The following RALYL variants were observed in gnomAD, a reference collection of about 807,000 sequenced individuals.
RALYL encodes the protein RNA-binding Raly-like protein.
RALYL carries 29 observed loss-of-function variants against 35.1 expected under a neutral mutation model. That is an observed-to-expected ratio of 0.83 (90% CI 0.61 to 1.13). The LOEUF (loss-of-function observed/expected upper bound fraction) is 1.13, where lower values mean the gene tolerates loss of function less well. Ranked by LOEUF, RALYL falls within the 50% of genes most tolerant of loss-of-function variation. The pLI is 0.00. For synonymous variants in RALYL, 120 were observed against 127.6 expected (o/e 0.94, Z 0.40); for missense variants, 359 against 360.4 (o/e 1.00, Z 0.03).
chr8:84,519,750 G>C (rs564687197), intron 1 of RALYL, among the ~76,000 whole-genome samples: 1 of 152,312 alleles, frequency 6.6e-6, no homozygotes, highest in East Asian at 1.9e-4. Flanking sequence ...ACTAAAACAA[G>C]GGGATGATAT....
intron 5 of RALYL, among the ~76,000 whole-genome samples, chr8:84,853,097 A>G (rs980316938): frequency 2.0e-5 from 3 of 152,212 alleles, no homozygotes; most frequent in Non-Finnish European, 2.9e-5. Flanking sequence ...AGTAAACATT[A>G]TTAATCTGTT....
At chr8:84,308,084 T>C (rs1842152496) in intron 1 of RALYL, among the ~76,000 whole-genome samples, 1 of 142,484 alleles carries the variant, frequency 7.0e-6, no homozygotes, top group Admixed American at 6.9e-5. Flanking sequence ...AAAAGCCACA[T>C]ATAAATAGAT....
chr8:84,416,834 T>C (rs1279363364), intron 1 of RALYL, among the ~76,000 whole-genome samples: 1 of 152,210 alleles, frequency 6.6e-6, no homozygotes, highest in African/African-American at 2.4e-5. Flanking sequence ...GAATATACTT[T>C]ACCCAATTCT....
At chr8:84,393,383 C>T (rs1861126443) in intron 1 of RALYL, among the ~76,000 whole-genome samples, 1 of 152,006 alleles carries the variant, frequency 6.6e-6, no homozygotes, top group Admixed American at 6.6e-5. Flanking sequence ...CCATGTGACT[C>T]CTTCATCAAA....
intron 1 of RALYL, among the ~76,000 whole-genome samples, chr8:84,224,955 A>C (rs1053715073): frequency 9.2e-5 from 14 of 152,204 alleles, no homozygotes; most frequent in African/African-American, 3.4e-4. Flanking sequence ...GCACCCGGCC[A>C]CTTCATTAAT....
At chr8:84,264,691 T>C (rs1053515053) in intron 1 of RALYL, among the ~76,000 whole-genome samples, 2 of 152,296 alleles carry the variant, frequency 1.3e-5, no homozygotes, top group South Asian at 2.1e-4. Context: ...ACCAAAGGTA[T>C]GATTCTCTCT....
At chr8:84,283,368 C>A (rs1268447203) in intron 1 of RALYL, among the ~76,000 whole-genome samples, 2 of 152,086 alleles carry the variant, frequency 1.3e-5, no homozygotes, top group African/African-American at 4.8e-5. Context: ...AGCATCACTA[C>A]CTAGAAAGAG....
intron 1 of RALYL, among the ~76,000 whole-genome samples, chr8:84,213,228 T>C (rs900251307): frequency 2.0e-5 from 3 of 151,868 alleles, no homozygotes; most frequent in African/African-American, 7.3e-5. Context: ...CCATCTGTAC[T>C]AAAAGTACAA....
chr8:84,667,606 T>G (rs945842772), intron 2 of RALYL, among the ~76,000 whole-genome samples: 2 of 152,124 alleles, frequency 1.3e-5, no homozygotes, highest in African/African-American at 4.8e-5. Flanking sequence ...CATTATGAAC[T>G]AATGTTTTTA....
chr8:84,189,606 T>C (rs1403994363), intron 1 of RALYL, among the ~76,000 whole-genome samples: 5 of 152,086 alleles, frequency 3.3e-5, no homozygotes, highest in African/African-American at 4.8e-5. Context: ...AACTGAGACT[T>C]GGAGCTCAGA....
intron 1 of RALYL, among the ~76,000 whole-genome samples, chr8:84,317,437 A>C (rs1843963113): frequency 6.6e-6 from 1 of 152,184 alleles, no homozygotes; most frequent in Admixed American, 6.5e-5. Flanking sequence ...AGCTGCCTCA[A>C]TTCTAATGTC....
intron 1 of RALYL, among the ~76,000 whole-genome samples, chr8:84,435,514 T>C (rs977998249): frequency 3.3e-5 from 5 of 152,184 alleles, no homozygotes; most frequent in Admixed American, 6.6e-5. Flanking sequence ...GACTTTTTAA[T>C]GAACTCTAGA....
intron 8 of RALYL, among the ~76,000 whole-genome samples, chr8:84,892,594 A>G (rs1458413011): frequency 6.6e-6 from 1 of 150,810 alleles, no homozygotes; most frequent in Non-Finnish European, 1.5e-5. Flanking sequence ...TGGGCAACAG[A>G]GCAAAAACTC....
chr8:84,193,749 C>A (rs1306699221), intron 1 of RALYL, among the ~76,000 whole-genome samples: 2 of 152,138 alleles, frequency 1.3e-5, no homozygotes, highest in Non-Finnish European at 2.9e-5. Flanking sequence ...TCACTTTAGT[C>A]AACACAGTTA....
intron 4 of RALYL, among the ~76,000 whole-genome samples, chr8:84,842,130 A>T (rs1489006067): frequency 6.6e-6 from 1 of 152,218 alleles, no homozygotes; most frequent in Admixed American, 6.5e-5. Flanking sequence ...AGCAGAACTG[A>T]AGGAAATAGA....
intron 2 of RALYL, among the ~76,000 whole-genome samples, chr8:84,568,833 G>T (rs1184684475): frequency 2.0e-5 from 3 of 150,550 alleles, no homozygotes; most frequent in Non-Finnish European, 4.5e-5. Context: ...GTGTTTTTTG[G>T]CTGCATAAAT....
At chr8:84,202,905 A>G (rs908181285) in intron 1 of RALYL, among the ~76,000 whole-genome samples, 33 of 152,226 alleles carry the variant, frequency 2.2e-4, no homozygotes, top group African/African-American at 8.0e-4. Context: ...TTTGAGTACA[A>G]ATAGTAACAC....
chr8:84,704,188 G>T (rs558742772), intron 2 of RALYL, among the ~76,000 whole-genome samples: 3 of 152,264 alleles, frequency 2.0e-5, no homozygotes, highest in South Asian at 4.1e-4. Context: ...ACTTTGGGAG[G>T]CCAAGGTGGG....
chr8:84,496,496 A>G (rs1311664471), intron 1 of RALYL, among the ~76,000 whole-genome samples: 2 of 152,108 alleles, frequency 1.3e-5, no homozygotes, highest in African/African-American at 4.8e-5. Flanking sequence ...ATCATCTCAC[A>G]ACCATGGCAT....
Sources: gnomAD v4.1 joint callset for allele counts (sites outside exome capture counted in the v4.1 genomes callset) on GRCh38, gnomAD v4.1.1 for gene constraint, MANE v1.5 for transcripts, NCBI Gene and HGNC (gene_info 2026-07-23, HGNC 2026-07-21) for gene names.